CDK14: variants seen among roughly 807,000 people sequenced by gnomAD.
CDK14 encodes cyclin dependent kinase 14.
CDK14 carries 34 observed loss-of-function variants against 60.7 expected under a neutral mutation model. The observed-to-expected ratio is 0.56, with a 90% CI of 0.43 to 0.75. The LOEUF is 0.75. Among genes scored for constraint, CDK14 ranks in the 30% least tolerant of loss-of-function variants. The pLI is 0.00. For synonymous variants in CDK14, 197 were observed against 203.7 expected (o/e 0.97, Z 0.28); for missense variants, 482 against 564.1 (o/e 0.85, Z 1.47).
chr7:90,671,071 A>G (rs903421811), intron 2 of CDK14, among the ~76,000 whole-genome samples: 2 of 152,092 alleles, frequency 1.3e-5, no homozygotes, highest in Admixed American at 6.6e-5. Flanking sequence ...TGTCTTCATC[A>G]TTGTAAGTTT....
intron 2 of CDK14, among the ~76,000 whole-genome samples, chr7:90,713,656 A>G (rs1377851413): frequency 4.8e-5 from 7 of 147,048 alleles, no homozygotes; most frequent in Non-Finnish European, 1.0e-4. Flanking sequence ...ATCAGGAGAG[A>G]TAAGAGAGAA....
intron 10 of CDK14, among the ~76,000 whole-genome samples, chr7:91,019,050 C>A (rs751890751): frequency 3.3e-5 from 5 of 152,052 alleles, no homozygotes; most frequent in African/African-American, 4.8e-5. Flanking sequence ...AACATTCAGA[C>A]CACAGGAAGT....
chr7:90,873,552 C>G (rs1791447406), intron 6 of CDK14, among the ~76,000 whole-genome samples: 1 of 152,048 alleles, frequency 6.6e-6, no homozygotes, highest in South Asian at 2.1e-4. Context: ...GCATTCTATA[C>G]TTTGGTAAAG....
chr7:90,794,095 G>T (rs1337528781), intron 5 of CDK14, among the ~76,000 whole-genome samples: 1 of 152,010 alleles, frequency 6.6e-6, no homozygotes, highest in Non-Finnish European at 1.5e-5. Context: ...ATGTTGGCAG[G>T]TTCCATGATG....
chr7:90,971,762 A>T (rs1202658620), intron 9 of CDK14, among the ~76,000 whole-genome samples: 1 of 152,198 alleles, frequency 6.6e-6, no homozygotes, highest in Non-Finnish European at 1.5e-5. Context: ...TTAAAAAATA[A>T]TAATAAATGT....
Position 90,996,392 on chromosome 7 carries a change from C to T in CDK14, c.1041+12151C>T, listed in dbSNP as rs114986013. Reference sequence around the variant, plus strand: ...TGACCTTGTATCATCTCTTGCCCAACGCCCTGCAAGAAAAAAGCCTCCTCA... The same window carrying T: ...TGACCTTGTATCATCTCTTGCCCAATGCCCTGCAAGAAAAAAGCCTCCTCA... On this transcript the variant is annotated intron_variant, in intron 10 of 14. Coordinates refer to ENST00000380050, the MANE Select transcript of CDK14 (RefSeq NM_001287135.2). Among the ~76,000 whole-genome samples the T allele has an allele frequency of 3.0e-3, 463 of 152,274 alleles. 4 individuals carry two copies. Among genetic ancestry groups the T allele is most frequent in the African/African-American group, 0.011 (443 of 41,564 alleles).
intron 12 of CDK14, among the ~76,000 whole-genome samples, chr7:91,079,930 G>A (rs2116223435): frequency 6.6e-6 from 1 of 152,248 alleles, no homozygotes; most frequent in Non-Finnish European, 1.5e-5. Context: ...ATTTATGACT[G>A]AAGTGTGTGT....
intron 3 of CDK14, among the ~76,000 whole-genome samples, chr7:90,733,702 CTT>C (rs1044808256): frequency 9.2e-5 from 14 of 152,274 alleles, no homozygotes; most frequent in African/African-American, 3.1e-4. Flanking sequence ...GTATGTGTGT[CTT>C]TGCACATGAG....
intron 5 of CDK14, among the ~76,000 whole-genome samples, chr7:90,861,516 T>C (rs1791009100): frequency 6.6e-6 from 1 of 152,098 alleles, no homozygotes; most frequent in Non-Finnish European, 1.5e-5. Flanking sequence ...TGGGATGCTG[T>C]GTAGTTCATT....
chr7:91,014,636 C>T (rs1364255929), intron 10 of CDK14, among the ~76,000 whole-genome samples: 3 of 152,184 alleles, frequency 2.0e-5, no homozygotes, highest in Non-Finnish European at 2.9e-5. Flanking sequence ...TCTGAAAGCA[C>T]TAAGCAAGCT....
At chr7:90,600,417 C>A (rs890884147) in intron 1 of CDK14, among the ~76,000 whole-genome samples, 1 of 152,052 alleles carries the variant, frequency 6.6e-6, no homozygotes, top group Non-Finnish European at 1.5e-5. Context: ...TTTTCATATT[C>A]ATTTGAATGC....
At chr7:90,873,751 C>A (rs1472452667) in intron 6 of CDK14, among the ~76,000 whole-genome samples, 1 of 152,068 alleles carries the variant, frequency 6.6e-6, no homozygotes, top group Non-Finnish European at 1.5e-5. Context: ...TAATAAAACT[C>A]ATTTATTTTC....
At chr7:90,649,252 C>CAG (rs1800537968) in intron 2 of CDK14, among the ~76,000 whole-genome samples, 2 of 45,396 alleles carry the variant, frequency 4.4e-5, no homozygotes, top group Admixed American at 2.0e-4. Context: ...TTCTTTCTTT[C>CAG]TTTCTTTCTT....
intron 10 of CDK14, among the ~76,000 whole-genome samples, chr7:90,986,390 A>G (rs1433015490): frequency 2.0e-5 from 3 of 151,976 alleles, no homozygotes; most frequent in Non-Finnish European, 4.4e-5. Context: ...GTTCATATCC[A>G]TCCCTTCATT....
At chr7:90,781,296 A>G (rs1052220166) in intron 4 of CDK14, among the ~76,000 whole-genome samples, 1 of 151,892 alleles carries the variant, frequency 6.6e-6, no homozygotes, top group African/African-American at 2.4e-5. Context: ...GTTTGAGTTC[A>G]TTGTAGATTC....
chr7:90,680,251 A>T (rs1801286607), intron 2 of CDK14, among the ~76,000 whole-genome samples: 1 of 152,168 alleles, frequency 6.6e-6, no homozygotes, highest in African/African-American at 2.4e-5. Flanking sequence ...ATCAGTTTAT[A>T]TCTGCCTCGG....
intron 2 of CDK14, among the ~76,000 whole-genome samples, chr7:90,645,141 G>A (rs970772617): frequency 2.0e-5 from 3 of 152,170 alleles, no homozygotes; most frequent in African/African-American, 7.2e-5. Flanking sequence ...AGGGTTACAT[G>A]TGTTCTTCTC....
chr7:90,715,986 T>C (rs1435694536), intron 2 of CDK14, among the ~76,000 whole-genome samples: 1 of 152,022 alleles, frequency 6.6e-6, no homozygotes, highest in Non-Finnish European at 1.5e-5. Flanking sequence ...TCTTAACACG[T>C]ACCATTTGGT....
At chr7:91,140,725 T>C (rs1177567784) in intron 14 of CDK14, among the ~76,000 whole-genome samples, 2 of 152,190 alleles carry the variant, frequency 1.3e-5, no homozygotes, top group African/African-American at 4.8e-5. Context: ...TCCTTTCTTG[T>C]CAGCTTGTTG....
Sources: allele counts gnomAD v4.1 joint callset (sites outside exome capture counted in the v4.1 genomes callset), GRCh38; gene constraint gnomAD v4.1.1; transcripts MANE v1.5; gene names NCBI Gene and HGNC (gene_info 2026-07-23, HGNC 2026-07-21).